Variants in ZFP69 observed in about 807,000 individuals in gnomAD.
ZFP69 encodes zinc finger protein 69 homolog.
A neutral mutation model predicts 48.9 loss-of-function variants in ZFP69; 35 were observed. That is an observed-to-expected ratio of 0.72 (90% confidence interval 0.55 to 0.95). The LOEUF (loss-of-function observed/expected upper bound fraction) is 0.95, where lower values mean the gene tolerates loss of function less well. Among genes scored for constraint, ZFP69 ranks in the 40% least tolerant of loss-of-function variants. The pLI is 0.00. For missense variants in ZFP69, 557 were observed against 638.4 expected (o/e 0.87, Z 1.37); for synonymous variants, 193 against 216.8 (o/e 0.89, Z 0.96).
At chr1:40,489,703 G>C (rs10157181) in intron 5 of ZFP69, 79 bp downstream of exon 5, 179,677 of 1,059,962 alleles carry the variant, frequency 0.17, 15,903 homozygotes, top group Middle Eastern at 0.25. Context: ...AAGAAAAGAA[G>C]TTTAATTGGC....
At chr1:40,493,828 C>T (rs1645593689) in intron 5 of ZFP69, 1 of 152,048 alleles carries the variant, frequency 6.6e-6, no homozygotes, top group African/African-American at 2.4e-5. Flanking sequence ...ACATAAAGAC[C>T]TGTCAGTTGA....
intron 3 of ZFP69, among the ~76,000 whole-genome samples, chr1:40,487,154 A>T (rs1261612921): frequency 1.3e-5 from 2 of 151,518 alleles, no homozygotes; most frequent in Admixed American, 1.3e-4. Context: ...TGATATCTTG[A>T]CCTCATGATC....
At chr1:40,481,677 G>A in intron 2 of ZFP69, 86 bp from the exon 3 acceptor site, 1 of 1,012,616 alleles carries the variant, frequency 9.9e-7, no homozygotes, top group Non-Finnish European at 1.5e-6. Flanking sequence ...TTTGGGGGAG[G>A]AGCCACATTG....
Position 40,495,542 on chromosome 1 carries a change from A to G in ZFP69, c.1064A>G (p.Tyr355Cys), listed in dbSNP as rs939332736. 4 of 1,614,090 alleles carry G rather than the reference A, an allele frequency of 2.5e-6. No homozygotes were observed. Among genetic ancestry groups the G allele is most frequent in the African/African-American group, 2.7e-5 (2 of 74,942 alleles). Reference sequence around the variant, plus strand: ...AGAACTCACACTGGGGAGAAACCCTATGTATGTGATAAATGTCAGAAAGCT... The same window carrying G: ...AGAACTCACACTGGGGAGAAACCCTGTGTATGTGATAAATGTCAGAAAGCT... ...HHRTHTGEKP[Y>C]VCDKCQKAFS... is the part of the protein sequence containing the mutation. Residue 355 changes from tyrosine to cysteine, a missense_variant, in exon 6 of 6, where the codon TAT becomes TGT. Physicochemically the swap from Tyr to Cys is radical, Grantham distance 194. Transcript: ENST00000372706.
chr1:40,496,249 T>C lies in ZFP69; in HGVS notation c.*190T>C. On this transcript the variant is annotated 3_prime_UTR_variant, in exon 6 of 6. Coordinates refer to ENST00000372706, the MANE Select transcript of ZFP69 (RefSeq NM_001320179.2). ...CTAAAAAGTACTTAAGATTAAAATC[T>C]GGTCCTTAAAATTAAATGAATTCAG... is the stretch of plus-strand genomic sequence containing the variant. 1 of 476,590 alleles carries C rather than the reference T, an allele frequency of 2.1e-6. No homozygotes were observed. Among genetic ancestry groups the C allele is most frequent in the Non-Finnish European group, 3.6e-6 (1 of 281,396 alleles). The allele number at this position is 476,590 out of a possible 1,614,324, so 29.5% of individuals were successfully genotyped here.
In ZFP69 at chr1:40,491,595, T is replaced by A. The variant is rs1030849524; in HGVS notation, c.442+1971T>A. On this transcript the variant is annotated intron_variant, in intron 5 of 5. Coordinates refer to ENST00000372706, the MANE Select transcript of ZFP69 (RefSeq NM_001320179.2). ...ATCTTGTTTCTTTCATTTTCCTGAT[T>A]ACCAGTGAAAGGAAGTATATTTCTC... Among the ~76,000 whole-genome samples, 4 of 152,336 alleles carry A rather than the reference T, an allele frequency of 2.6e-5. No homozygotes were observed. The East Asian group carries it at 5.8e-4, about 22-fold the overall frequency.
At chr1:40,482,982 C>T in intron 3 of ZFP69, among the ~76,000 whole-genome samples, 1 of 152,088 alleles carries the variant, frequency 6.6e-6, no homozygotes, top group South Asian at 2.1e-4. Flanking sequence ...ACCAATTTAA[C>T]CTAATTAACA....
chr1:40,484,725 G>A (rs113701724), intron 3 of ZFP69, among the ~76,000 whole-genome samples: 3,634 of 149,356 alleles, frequency 0.024, 147 homozygotes, highest in African/African-American at 0.086. Flanking sequence ...CTACAGGCGC[G>A]TGCCACCACA....
Position 40,491,900 on chromosome 1 carries a change from C to G in ZFP69, c.442+2276C>G, listed in dbSNP as rs376042485. Among the ~76,000 whole-genome samples the G allele has an allele frequency of 2.6e-5, 4 of 152,040 alleles. No homozygotes were observed. The South Asian group carries it at 6.2e-4, about 24-fold the overall frequency. On this transcript the variant is annotated intron_variant, in intron 5 of 5. Coordinates refer to ENST00000372706, the MANE Select transcript of ZFP69 (RefSeq NM_001320179.2). ...CTCTAGGTCAGTGGCCCATCTTTGA[C>G]TTTTCAAAATTAGTGTCTTTTGTTA... is the stretch of plus-strand genomic sequence containing the variant.
rs569191968 is a variant in ZFP69, at chr1:40,488,596, C to T, written c.220-492C>T. Among the ~76,000 whole-genome samples, 8 of 152,332 alleles carry T rather than the reference C, an allele frequency of 5.3e-5. No homozygotes were observed. The South Asian group carries it at 1.5e-3, about 28-fold the overall frequency. ...ACTCTCTCATCAACCAGCCTACCTC[C>T]AGCCATGCTGTTCACTTTCCTGTTC... On this transcript the variant is annotated intron_variant, in intron 3 of 5. Coordinates refer to ENST00000372706, the MANE Select transcript of ZFP69 (RefSeq NM_001320179.2).
Position 40,496,217 on chromosome 1 carries a change from A to C in ZFP69, c.*158A>C, listed in dbSNP as rs1191203138. 14 of 630,592 alleles carry C rather than the reference A, an allele frequency of 2.2e-5. No homozygotes were observed. The East Asian group carries it at 3.7e-4, about 17-fold the overall frequency. 39.1% of individuals were successfully genotyped at this position (630,592 alleles called of 1,614,324 possible). A position where few individuals can be genotyped will look rare whatever the true frequency, so the allele number is the denominator to read the frequency against. On this transcript the variant is annotated 3_prime_UTR_variant, in exon 6 of 6. Coordinates refer to ENST00000372706, the MANE Select transcript of ZFP69 (RefSeq NM_001320179.2). Reference sequence around the variant, plus strand: ...ATTACATTGACAGGTATTGACTACTAACACCTCTAAAAAGTACTTAAGATT... The same window carrying C: ...ATTACATTGACAGGTATTGACTACTCACACCTCTAAAAAGTACTTAAGATT...
In ZFP69 at chr1:40,480,862, G is replaced by A. The variant is rs183197536; in HGVS notation, c.128-901G>A. 9.7e-4 allele frequency among the ~76,000 whole-genome samples: 147 copies of A among 152,298 alleles called. 2 individuals are homozygous for A. The highest frequency in any genetic ancestry group is 3.1e-3 in the African/African-American group (129 of 41,568). ...TAAAATTAAAAGGTAGTCAGTTAAG[G>A]AAAGTCCAGAAGAAACTAAACTGGA... On this transcript the variant is annotated intron_variant, in intron 2 of 5. Coordinates refer to ENST00000372706, the MANE Select transcript of ZFP69 (RefSeq NM_001320179.2).
At chr1:40,478,122 T>TCA (rs5773698) in intron 1 of ZFP69, among the ~76,000 whole-genome samples, 20,882 of 147,146 alleles carry the variant, frequency 0.14, 1,953 homozygotes, top group East Asian at 0.42. Context: ...CTGCATATAG[T>TCA]CACACACACA....
In ZFP69 at chr1:40,495,804, A is replaced by T; in HGVS notation, c.1326A>T (p.Lys442Asn). Reference protein sequence around the residue: ...IHTGERPYKCKECGKAFRQRI... With the variant: ...IHTGERPYKCNECGKAFRQRI... ...CTGGGGAGAGACCCTACAAATGTAA[A>T]GAATGTGGAAAAGCCTTTAGGCAGA... The change falls in exon 6 of 6, where the codon AAA becomes AAT. Residue 442 changes from lysine (K) to asparagine (N), a missense_variant. Coordinates refer to ENST00000372706, the MANE Select transcript of ZFP69 (RefSeq NM_001320179.2). The T allele has an allele frequency of 1.2e-6, 2 of 1,614,220 alleles. No homozygotes were observed. Among genetic ancestry groups the T allele is most frequent in the Non-Finnish European group, 1.7e-6 (2 of 1,180,026 alleles).
chr1:40,487,606 T>C (rs1645514961), intron 3 of ZFP69, among the ~76,000 whole-genome samples: 1 of 152,176 alleles, frequency 6.6e-6, no homozygotes, highest in South Asian at 2.1e-4. Flanking sequence ...GTACACCTAG[T>C]GTATTAGTAT....
chr1:40,479,339 A>G lies in ZFP69; in HGVS notation c.-23A>G, dbSNP rs1205766358. The G allele has an allele frequency of 6.2e-7, 1 of 1,612,606 alleles. No individual in the cohort carries two copies. Among genetic ancestry groups the G allele is most frequent in the East Asian group, 2.2e-5 (1 of 44,820 alleles). Reference sequence around the variant, plus strand: ...CTGGCAATTTCCTCACCAGAAGTGGACAAGTCCAGTAAGGCAGGCATCATG... The same window carrying G: ...CTGGCAATTTCCTCACCAGAAGTGGGCAAGTCCAGTAAGGCAGGCATCATG... On this transcript the variant is annotated 5_prime_UTR_variant, in exon 2 of 6. Transcript: ENST00000372706.
chr1:40,483,870 A>T (rs1018014236), intron 3 of ZFP69, among the ~76,000 whole-genome samples: 5 of 152,150 alleles, frequency 3.3e-5, no homozygotes, highest in African/African-American at 9.7e-5. Flanking sequence ...TGAGGTCAGG[A>T]GTTCAAGACC....
chr1:40,484,752 T>C (rs573615921), intron 3 of ZFP69, among the ~76,000 whole-genome samples: 22 of 151,772 alleles, frequency 1.4e-4, no homozygotes, highest in Admixed American at 1.1e-3. Flanking sequence ...TAATTTTTTT[T>C]TTGTATTTTT....
chr1:40,486,568 G>A (rs59547247), intron 3 of ZFP69, among the ~76,000 whole-genome samples: 22,003 of 139,306 alleles, frequency 0.16, 1,792 homozygotes, highest in Middle Eastern at 0.25. Context: ...ACAAGTGTGC[G>A]CCACCATGCC....
Sources: gnomAD v4.1 joint callset for allele counts (sites outside exome capture counted in the v4.1 genomes callset) on GRCh38, gnomAD v4.1.1 for gene constraint, MANE v1.5 for transcripts, NCBI Gene and HGNC (gene_info 2026-07-23, HGNC 2026-07-21) for gene names.